Variants in PSD3 observed in about 807,000 individuals in gnomAD.
PSD3 encodes PH and SEC7 domain-containing protein 3.
PSD3 carries 49 observed loss-of-function variants against 105.5 expected under a neutral mutation model. That is an observed-to-expected ratio of 0.46 (90% confidence interval 0.37 to 0.59). The LOEUF (loss-of-function observed/expected upper bound fraction) is 0.59. PSD3 is among the 20% of genes least tolerant of loss of function. PSD3 has a pLI of 0.00. For synonymous variants in PSD3, 557 were observed against 457.8 expected, an observed-to-expected ratio of 1.22 and a Z score of -2.77; for missense variants, 1,561 against 1,263.8, an observed-to-expected ratio of 1.24 and a Z score of -3.57.
At chr8:19,065,926 TACCAGCCA>T (rs1829060459) in intron 1 of PSD3, among the ~76,000 whole-genome samples, 1 of 152,230 alleles carries the variant, frequency 6.6e-6, no homozygotes, top group South Asian at 2.1e-4. Context: ...AATCTGAAGC[TACCAGCCA>T]TGAATCAACT....
Position 18,828,065 on chromosome 8 carries a change from ATAT to A in PSD3, c.1635-23170_1635-23168del, listed in dbSNP as rs1382568702. Among the ~76,000 whole-genome samples the A allele has an allele frequency of 1.1e-3, 112 of 104,626 alleles. 1 individual carries two copies. In the South Asian group the frequency reaches 0.031, roughly 29 times the overall value. The allele number at this position is 104,626 out of a possible 152,430, so 68.6% of individuals were successfully genotyped here. ...TATATATGTATATATATATATATAT[ATAT>A]TTTTTTTTTTTTACAAAAAAAATGA... On this transcript the variant is annotated intron_variant, in intron 4 of 15. Coordinates refer to ENST00000327040, the MANE Select transcript of PSD3 (RefSeq NM_015310.4).
At chr8:18,732,588 A>G (rs1472971254) in intron 9 of PSD3, among the ~76,000 whole-genome samples, 3 of 152,190 alleles carry the variant, frequency 2.0e-5, no homozygotes, top group Non-Finnish European at 4.4e-5. Flanking sequence ...TGATGCTCCT[A>G]CACATGGCTT....
intron 12 of PSD3, 27 bp from the exon 13 acceptor site, chr8:18,575,312 G>T (rs761583416): frequency 6.6e-7 from 1 of 1,506,668 alleles, no homozygotes; most frequent in Admixed American, 2.2e-5. Context: ...AGAAAATAAA[G>T]GCAAAAATCA....
At chr8:18,678,023 CAAAGT>C (rs1260058276) in intron 9 of PSD3, among the ~76,000 whole-genome samples, 118 of 125,958 alleles carry the variant, frequency 9.4e-4, no homozygotes, top group South Asian at 5.1e-3. Context: ...AAAAAAAAAA[CAAAGT>C]AAACAAAAAA....
chr8:18,788,358 C>T (rs766732412), intron 8 of PSD3, among the ~76,000 whole-genome samples: 4 of 152,264 alleles, frequency 2.6e-5, no homozygotes, highest in Non-Finnish European at 2.9e-5. Flanking sequence ...AGCCAGAAAC[C>T]GTATACAAGC....
intron 1 of PSD3, among the ~76,000 whole-genome samples, chr8:19,041,819 C>T (rs953873444): frequency 6.6e-6 from 1 of 152,088 alleles, no homozygotes; most frequent in African/African-American, 2.4e-5. Context: ...AAAAATAAAC[C>T]AGAAACCTTA....
chr8:18,801,253 G>T lies in PSD3; in HGVS notation c.2023+17C>A, dbSNP rs1415963934. On this transcript the variant is annotated intron_variant, in intron 7 of 15. Coordinates refer to ENST00000327040, the MANE Select transcript of PSD3 (RefSeq NM_015310.4). ...CATTGATATAAAAAAGAAATTCAAG[G>T]ATTTGTATCAGATTACCTTGTGAAG... 6 of 1,427,594 alleles carry T rather than the reference G, an allele frequency of 4.2e-6. No homozygotes were observed. Among genetic ancestry groups the T allele is most frequent in the Non-Finnish European group, 3.9e-6 (4 of 1,032,094 alleles). 88.4% of individuals were successfully genotyped at this position (1,427,594 alleles called of 1,614,324 possible).
rs956849021 is a variant in PSD3 at position 18,620,359 on chromosome 8, T to C, written c.2410+12254A>G. Among the ~76,000 whole-genome samples the C allele has an allele frequency of 2.6e-5, 4 of 151,598 alleles. No individual in the cohort carries two copies. The South Asian group carries it at 6.3e-4, about 24-fold the overall frequency. ...GGGTTTGTGTTTTTTTTTTTTTTTT[T>C]TCCCCAGGCTGTGGTCACTCACATT... On this transcript the variant is annotated intron_variant, in intron 11 of 15. Coordinates refer to ENST00000327040, the MANE Select transcript of PSD3 (RefSeq NM_015310.4).
intron 1 of PSD3, among the ~76,000 whole-genome samples, chr8:19,060,107 T>TGCAGAAAAC (rs1281259516): frequency 3.3e-4 from 51 of 152,322 alleles, no homozygotes; most frequent in Admixed American, 2.5e-3. Flanking sequence ...AAAATCCAGG[T>TGCAGAAAAC]TTTTGCTGAG....
At chr8:19,054,144 T>C (rs1828627845) in intron 1 of PSD3, among the ~76,000 whole-genome samples, 1 of 152,172 alleles carries the variant, frequency 6.6e-6, no homozygotes, top group Non-Finnish European at 1.5e-5. Flanking sequence ...CGCGGGCTTG[T>C]TGCCATCCAG....
At chr8:18,626,843 A>G (rs1205374190) in intron 11 of PSD3, among the ~76,000 whole-genome samples, 2 of 152,146 alleles carry the variant, frequency 1.3e-5, no homozygotes, top group Non-Finnish European at 1.5e-5. Flanking sequence ...AGGAAACGAA[A>G]GCTTTTCTAC....
Position 18,789,146 on chromosome 8 carries a change from G to C in PSD3, c.2082+10149C>G, listed in dbSNP as rs116837607. On this transcript the variant is annotated intron_variant, in intron 8 of 15. Coordinates refer to ENST00000327040, the MANE Select transcript of PSD3 (RefSeq NM_015310.4). ...AAAAGAAAAAAAGGAACTAAAAATA[G>C]TACCACAGCACAGTGGTTCTCAAAG... 4.7e-3 allele frequency among the ~76,000 whole-genome samples: 717 copies of C among 152,296 alleles called. 8 individuals carry two copies. Among genetic ancestry groups the C allele is most frequent in the African/African-American group, 0.017 (694 of 41,546 alleles).
chr8:18,593,714 G>C (rs1173433617), intron 12 of PSD3, among the ~76,000 whole-genome samples: 3 of 151,946 alleles, frequency 2.0e-5, no homozygotes, highest in African/African-American at 7.3e-5. Context: ...GCAAAGACTT[G>C]GAACGAACCC....
chr8:18,845,727 G>T (rs567966126), intron 4 of PSD3, among the ~76,000 whole-genome samples: 2 of 152,080 alleles, frequency 1.3e-5, no homozygotes, highest in African/African-American at 4.8e-5. Context: ...ATTTGAGGCC[G>T]GTCGTTGGAG....
intron 2 of PSD3, among the ~76,000 whole-genome samples, chr8:18,884,088 G>C (rs1563382983): frequency 6.6e-6 from 1 of 151,992 alleles, no homozygotes; most frequent in Non-Finnish European, 1.5e-5. Context: ...CCAAAGACGA[G>C]GGCAGGAAAA....
At chr8:18,805,565 T>C (rs562877970) in intron 4 of PSD3, among the ~76,000 whole-genome samples, 1 of 152,360 alleles carries the variant, frequency 6.6e-6, no homozygotes, top group African/African-American at 2.4e-5. Flanking sequence ...TTACTTGCAA[T>C]ATGGAATCTA....
chr8:18,826,326 T>G (rs1025852421), intron 4 of PSD3, among the ~76,000 whole-genome samples: 1 of 152,188 alleles, frequency 6.6e-6, no homozygotes, highest in Admixed American at 6.5e-5. Context: ...AATCTCATGA[T>G]AGATAGATAG....
chr8:18,962,772 G>C (rs1300237787), intron 1 of PSD3, among the ~76,000 whole-genome samples: 1 of 152,086 alleles, frequency 6.6e-6, no homozygotes, highest in African/African-American at 2.4e-5. Context: ...CCAGGCAATG[G>C]GCTAACAACT....
At chr8:19,081,867 G>C (rs1473012567) in intron 1 of PSD3, among the ~76,000 whole-genome samples, 3 of 152,186 alleles carry the variant, frequency 2.0e-5, no homozygotes, top group African/African-American at 7.2e-5. Flanking sequence ...TACACGTGTA[G>C]GAATGGAGTT....
Sources: allele counts gnomAD v4.1 joint callset (sites outside exome capture counted in the v4.1 genomes callset), GRCh38; gene constraint gnomAD v4.1.1; transcripts MANE v1.5; gene names NCBI Gene and HGNC (gene_info 2026-07-23, HGNC 2026-07-21).